LIMD2: variants seen among roughly 807,000 people sequenced by gnomAD.
LIMD2 encodes the protein LIM domain-containing protein 2.
LIMD2 carries 11 observed loss-of-function variants against 16.0 expected under a neutral mutation model. The observed-to-expected ratio is 0.69, with a 90% CI of 0.43 to 1.14. The LOEUF (loss-of-function observed/expected upper bound fraction) is 1.14. Ranked by LOEUF, LIMD2 falls within the 50% of genes most tolerant of loss-of-function variation. The probability of loss-of-function intolerance (pLI) is 0.00; values close to 1 mark genes in which losing one functional copy is unlikely to be tolerated. For synonymous variants in LIMD2, 60 were observed against 67.1 expected (o/e 0.89, Z 0.52); for missense variants, 168 against 165.8 (o/e 1.01, Z -0.07).
rs765189812 is a variant in LIMD2 at position 63,699,106 on chromosome 17, G to A, written c.43-37C>T. On this transcript the variant is annotated intron_variant, in intron 2 of 4. Transcript: ENST00000259006. Reference sequence around the variant, plus strand: ...GGGCGGTCAGGGCAGGGGCAGCTCCGGGAGGCCCTGGATCAGGGCTGCAGC... The same window carrying A: ...GGGCGGTCAGGGCAGGGGCAGCTCCAGGAGGCCCTGGATCAGGGCTGCAGC... The A allele has an allele frequency of 1.5e-5, 24 of 1,586,420 alleles. No individual in the cohort carries two copies. In the East Asian group the frequency reaches 5.4e-4, roughly 36 times the overall value.
upstream of LIMD2, chr17:63,700,140 G>A (rs1437381932): frequency 8.3e-5 from 82 of 983,842 alleles, no homozygotes; most frequent in Non-Finnish European, 9.9e-5. The surrounding 1 kb of genome is among the most constrained non-coding windows in gnomAD (Gnocchi z 7.1). Context: ...AGCCACCGCC[G>A]CCGCCACCGC....
Position 63,700,058 on chromosome 17 carries a change from G to A in LIMD2, c.-77C>T. The A allele has an allele frequency of 1.0e-6, 1 of 984,248 alleles. No homozygotes were observed. The highest frequency in any genetic ancestry group is 1.2e-6 in the Non-Finnish European group (1 of 829,200). The allele number at this position is 984,248 out of a possible 1,614,324, so 61.0% of individuals were successfully genotyped here. ...AGGCCCGGCCTGGGCCGCGGGGCGG[G>A]ATCGGTCTCCGGGGGCGCACGGGTA... On this transcript the variant is annotated 5_prime_UTR_variant, in exon 1 of 5. Transcript: ENST00000259006. This position sits in a 1 kb window ranked among gnomAD's most constrained non-coding sequence, Gnocchi z 7.1.
At chr17:63,698,752 G>C (rs760810460) in intron 4 of LIMD2, 41 bp from the exon 5 acceptor site, 13 of 1,612,872 alleles carry the variant, frequency 8.1e-6, no homozygotes, top group Non-Finnish European at 9.3e-6. Flanking sequence ...GGTCAGGTCG[G>C]GGCTGGGTTG....
chr17:63,699,137 GC>G, intron 2 of LIMD2, 68 bp from the exon 3 acceptor site: 2 of 1,578,452 alleles, frequency 1.3e-6, no homozygotes, highest in Non-Finnish European at 8.6e-7. Flanking sequence ...GCAGCCATCA[GC>G]CCAAGGCCCA....
upstream of LIMD2, chr17:63,700,738 T>TGGC (rs1193077630): frequency 2.6e-5 from 4 of 151,182 alleles, no homozygotes; most frequent in Non-Finnish European, 5.9e-5. This position sits in a 1 kb window ranked among gnomAD's most constrained non-coding sequence, Gnocchi z 7.1. Context: ...CCCACGAGGC[T>TGGC]GGCGGCGGCG....
At position 63,698,534 on chromosome 17, in the gene LIMD2, TG is replaced by T. The variant is rs2035728303; in HGVS notation, c.*17del. ...GGCTCCAGGCCTTCCGCAGAGGGGG[TG>T]GAAGGTTACAGAGGCCTCAGGCCGT... On this transcript the variant is annotated 3_prime_UTR_variant, in exon 5 of 5. Coordinates refer to ENST00000259006, the MANE Select transcript of LIMD2 (RefSeq NM_030576.4). The T allele has an allele frequency of 6.2e-7, 1 of 1,609,898 alleles. No individual in the cohort carries two copies. The highest frequency in any genetic ancestry group is 1.7e-5 in the Admixed American group (1 of 59,758).
intron 1 of LIMD2, 131 bp downstream of exon 1, chr17:63,699,901 C>A (rs1276636595): frequency 2.0e-6 from 2 of 984,142 alleles, no homozygotes; most frequent in East Asian, 2.3e-4. Flanking sequence ...AACGAGGACT[C>A]GAGCCTGTGC....
At chr17:63,698,732 C>CGTCAGGTCAG in intron 4 of LIMD2, 21 bp from the exon 5 acceptor site, 1 of 1,609,586 alleles carries the variant, frequency 6.2e-7, no homozygotes, top group Non-Finnish European at 8.5e-7. Flanking sequence ...CAAACAACGG[C>CGTCAGGTCAG]GTCAGGTCAG....
rs2035700027 is a variant in LIMD2 at position 63,696,749 on chromosome 17, A to T, written c.*1803T>A. Reference sequence around the variant, plus strand: ...TCTGCTACTGTTGCTTAACCGAACCAAGATGATCCTTGCCATCTGAGACCT... The same window carrying T: ...TCTGCTACTGTTGCTTAACCGAACCTAGATGATCCTTGCCATCTGAGACCT... On this transcript the variant is annotated 3_prime_UTR_variant, in exon 5 of 5. Coordinates refer to ENST00000259006, the MANE Select transcript of LIMD2 (RefSeq NM_030576.4). The T allele has an allele frequency of 6.6e-6, 1 of 152,244 alleles. No homozygotes were observed. The highest frequency in any genetic ancestry group is 2.4e-5 in the African/African-American group (1 of 41,448). The allele number at this position is 152,244 out of a possible 1,614,324, so 9.4% of individuals were successfully genotyped here.
intron 1 of LIMD2, 183 bp downstream of exon 1, chr17:63,699,849 G>A (rs981909702): frequency 4.9e-5 from 48 of 975,178 alleles, no homozygotes; most frequent in Non-Finnish European, 5.7e-5. Context: ...CGCGAGCCCC[G>A]CCAGCGGGTC....
At chr17:63,698,750 C>A in intron 4 of LIMD2, 39 bp from the exon 5 acceptor site, 1 of 1,296,112 alleles carries the variant, frequency 7.7e-7, no homozygotes, top group South Asian at 1.2e-5. Context: ...CAGGTCAGGT[C>A]GGGGCTGGGT....
Position 63,698,808 on chromosome 17 carries a change from G to A in LIMD2, c.215C>T (p.Thr72Ile). Residue 72 changes from threonine to isoleucine, a missense_variant, in exon 4 of 5, where the codon ACC (threonine) becomes ATC (isoleucine). Physicochemically the swap from Thr to Ile is moderately conservative, Grantham distance 89. Coordinates refer to ENST00000259006, the MANE Select transcript of LIMD2 (RefSeq NM_030576.4). ...CAGGGCAGGGGCGCACCTGAGCTTG[G>A]TGTGACAGTGCTTGCAGCAGAAGCA... is the stretch of plus-strand genomic sequence containing the variant. Reference protein sequence around the residue: ...NSCFCCKHCHTKLSLGSYAAL... With the variant: ...NSCFCCKHCHIKLSLGSYAAL... 2 of 1,612,514 alleles carry A rather than the reference G, an allele frequency of 1.2e-6. No homozygotes were observed. Among genetic ancestry groups the A allele is most frequent in the Non-Finnish European group, 8.5e-7 (1 of 1,179,828 alleles).
Position 63,696,750 on chromosome 17 carries a change from A to G in LIMD2, c.*1802T>C, listed in dbSNP as rs368762995. The G allele has an allele frequency of 2.2e-4, 33 of 152,356 alleles. No homozygotes were observed. Among genetic ancestry groups the G allele is most frequent in the African/African-American group, 7.9e-4 (33 of 41,578 alleles). The allele number at this position is 152,356 out of a possible 1,614,324, so 9.4% of individuals were successfully genotyped here. ...CTGCTACTGTTGCTTAACCGAACCA[A>G]GATGATCCTTGCCATCTGAGACCTC... On this transcript the variant is annotated 3_prime_UTR_variant, in exon 5 of 5. Transcript: ENST00000259006.
upstream of LIMD2, chr17:63,701,143 C>A (rs892851521): frequency 1.3e-5 from 2 of 152,334 alleles, no homozygotes; most frequent in African/African-American, 4.8e-5. Context: ...CCTTCCCGGG[C>A]ACCAGGGACT....
At chr17:63,701,155 C>T, upstream of LIMD2, 1 of 152,428 alleles carries the variant, frequency 6.6e-6, no homozygotes, top group Non-Finnish European at 1.5e-5. Flanking sequence ...CCAGGGACTG[C>T]GTGGCTTGGC....
At chr17:63,700,807 G>GCCCGGCAGC (rs147975726), upstream of LIMD2, 48,587 of 150,924 alleles carry the variant, frequency 0.32, 8,528 homozygotes, top group South Asian at 0.57. The surrounding 1 kb of genome is among the most constrained non-coding windows in gnomAD (Gnocchi z 7.1). Flanking sequence ...CTGCACGAGG[G>GCCCGGCAGC]CCCGGCAGCC....
In LIMD2 at chr17:63,698,620, AC is replaced by A; in HGVS notation, c.315del (p.Phe106LeufsTer165). ...AGCTCCTTGTGCTGCTTGCGGCCAA[AC>A]CCCTCGTCGTAGTTGCCTTTGCTCT... ...LFKSKGNYDE[G>X]FGRKQHKELW... On this transcript the variant is annotated frameshift_variant, in exon 5 of 5. Transcript: ENST00000259006. LOFTEE classifies it high-confidence loss of function. 1.2e-6 allele frequency: 2 copies of A among 1,613,742 alleles called. No homozygotes were observed. The highest frequency in any genetic ancestry group is 2.2e-5 in the South Asian group (2 of 91,066).
chr17:63,699,175 G>T, intron 2 of LIMD2, 82 bp downstream of exon 2: 2 of 1,588,796 alleles, frequency 1.3e-6, no homozygotes, highest in Non-Finnish European at 1.7e-6. Context: ...CACAAAGGGG[G>T]CCGGCAAACT....
Position 63,697,344 on chromosome 17 carries a change from G to C in LIMD2, c.*1208C>G, listed in dbSNP as rs1468068382. 1 of 152,256 alleles carries C rather than the reference G, an allele frequency of 6.6e-6. No individual in the cohort carries two copies. Among genetic ancestry groups the C allele is most frequent in the Non-Finnish European group, 1.5e-5 (1 of 68,080 alleles). The allele number at this position is 152,256 out of a possible 1,614,324, so 9.4% of individuals were successfully genotyped here. A position where few individuals can be genotyped will look rare whatever the true frequency, so the allele number is the denominator to read the frequency against. On this transcript the variant is annotated 3_prime_UTR_variant, in exon 5 of 5. Coordinates refer to ENST00000259006, the MANE Select transcript of LIMD2 (RefSeq NM_030576.4). ...ACCTTGGGCAGCACTTGCTGGGTCT[G>C]CTGGTTACCGCCATTCTTCGCTAAC...
Sources: gnomAD v4.1 joint callset for allele counts on GRCh38, gnomAD v4.1.1 for gene constraint, Gnocchi (gnomAD v3.1) non-coding constraint, MANE v1.5 for transcripts, NCBI Gene and HGNC (gene_info 2026-07-23, HGNC 2026-07-21) for gene names.